CADM2: variants seen among roughly 807,000 people sequenced by gnomAD.
CADM2 encodes the protein cell adhesion molecule 2.
In CADM2, 12 loss-of-function variants were observed where a neutral mutation model predicts 49.8. The ratio of observed to expected loss-of-function variants is 0.24; its 90% CI spans 0.15 to 0.39. The LOEUF (loss-of-function observed/expected upper bound fraction) is 0.39. Among genes scored for constraint, CADM2 ranks in the 10% least tolerant of loss-of-function variants. The pLI, the probability that CADM2 is intolerant of heterozygous loss-of-function variation, is 1.00. For synonymous variants in CADM2, 214 were observed against 175.4 expected (o/e 1.22, Z -1.74); for missense variants, 378 against 492.3 (o/e 0.77, Z 2.20).
At chr3:85,516,534 A>G (rs1476725771) in intron 1 of CADM2, among the ~76,000 whole-genome samples, 3 of 152,104 alleles carry the variant, frequency 2.0e-5, no homozygotes, top group South Asian at 2.1e-4. Context: ...ACTCTTTTCA[A>G]TTACCAGAGA....
At chr3:85,679,837 G>C (rs1340452427) in intron 1 of CADM2, among the ~76,000 whole-genome samples, 2 of 152,088 alleles carry the variant, frequency 1.3e-5, no homozygotes, top group Admixed American at 1.3e-4. Flanking sequence ...TATTTTTCCT[G>C]AAGAATTCTT....
intron 1 of CADM2, among the ~76,000 whole-genome samples, chr3:85,638,955 A>C (rs940690920): frequency 6.6e-6 from 1 of 152,158 alleles, no homozygotes; most frequent in African/African-American, 2.4e-5. Context: ...AAAAGAGACG[A>C]GTAAAGCACT....
At chr3:85,264,476 A>T (rs1345285542) in intron 1 of CADM2, among the ~76,000 whole-genome samples, 1 of 152,068 alleles carries the variant, frequency 6.6e-6, no homozygotes, top group Non-Finnish European at 1.5e-5. Context: ...AAAATTGTTT[A>T]TTCCTTTTCT....
intron 7 of CADM2, among the ~76,000 whole-genome samples, chr3:85,947,882 G>A (rs1722935166): frequency 6.6e-6 from 1 of 151,368 alleles, no homozygotes; most frequent in Admixed American, 6.6e-5. Flanking sequence ...ATCCATAGAG[G>A]AAATGTACTT....
At chr3:85,019,400 T>C (rs2034399031) in intron 1 of CADM2, among the ~76,000 whole-genome samples, 1 of 152,108 alleles carries the variant, frequency 6.6e-6, no homozygotes, top group Non-Finnish European at 1.5e-5. Context: ...AGAAGATCAC[T>C]TGAGCCCAGG....
chr3:85,332,010 C>T (rs1286697301), intron 1 of CADM2, among the ~76,000 whole-genome samples: 1 of 152,082 alleles, frequency 6.6e-6, no homozygotes, highest in African/African-American at 2.4e-5. Context: ...TTATAAATTT[C>T]AATGAGTACC....
intron 1 of CADM2, chr3:84,959,996 A>G: frequency 2.2e-6 from 1 of 456,394 alleles, no homozygotes; most frequent in Non-Finnish European, 3.9e-6. Flanking sequence ...GCCTCTCTGA[A>G]CATTCCACCC....
chr3:85,453,708 C>A (rs1463489296), intron 1 of CADM2, among the ~76,000 whole-genome samples: 1 of 151,834 alleles, frequency 6.6e-6, no homozygotes, highest in East Asian at 1.9e-4. Flanking sequence ...CTAAAAAAAA[C>A]CTGTTTAATG....
At chr3:85,007,755 G>A (rs1232622719) in intron 1 of CADM2, among the ~76,000 whole-genome samples, 2 of 152,176 alleles carry the variant, frequency 1.3e-5, no homozygotes, top group Admixed American at 6.5e-5. Context: ...CTGTAGAGGA[G>A]GCTGGCAATT....
intron 1 of CADM2, among the ~76,000 whole-genome samples, chr3:85,348,554 T>G (rs1015811805): frequency 6.6e-6 from 1 of 152,176 alleles, no homozygotes; most frequent in African/African-American, 2.4e-5. Context: ...TAAAAAAATC[T>G]TCAGGAAATA....
intron 1 of CADM2, among the ~76,000 whole-genome samples, chr3:85,233,718 G>A (rs2042350965): frequency 6.6e-6 from 1 of 151,928 alleles, no homozygotes. Context: ...GTTTATAATG[G>A]TTTAAATTCT....
At chr3:85,405,460 C>G (rs1292076774) in intron 1 of CADM2, among the ~76,000 whole-genome samples, 1 of 152,128 alleles carries the variant, frequency 6.6e-6, no homozygotes, top group East Asian at 1.9e-4. Context: ...GGCGGAAAAA[C>G]AACTTGAACT....
chr3:86,009,217 G>GTGTGTA (rs386397251), intron 8 of CADM2, among the ~76,000 whole-genome samples: 7 of 145,136 alleles, frequency 4.8e-5, no homozygotes, highest in African/African-American at 1.8e-4. Context: ...GTATGTGTGT[G>GTGTGTA]TATATATATA....
intron 5 of CADM2, among the ~76,000 whole-genome samples, chr3:85,899,624 T>C (rs1715821843): frequency 6.6e-6 from 1 of 152,168 alleles, no homozygotes; most frequent in Non-Finnish European, 1.5e-5. Flanking sequence ...AGTCAAGTTA[T>C]TTAGAGGTTA....
rs2033368779 is a variant in CADM2, at chr3:84,999,897, A to G, written c.61+40229A>G. On this transcript the variant is annotated intron_variant, in intron 1 of 9. Coordinates refer to ENST00000383699, the MANE Select transcript of CADM2 (RefSeq NM_001167675.2). ...ACTCTATGGAGGCTCTGAATTCTGG[A>G]AAGTAATTATATAATTTTAGAGTTG... 2.0e-5 allele frequency among the ~76,000 whole-genome samples: 3 copies of G among 152,162 alleles called. 1 individual carries two copies. The highest frequency in any genetic ancestry group is 2.0e-4 in the Admixed American group (3 of 15,250).
intron 9 of CADM2, among the ~76,000 whole-genome samples, chr3:86,065,961 T>C (rs531523085): frequency 6.6e-6 from 1 of 152,276 alleles, no homozygotes. Flanking sequence ...AGTAAGCCAC[T>C]GGCTCAGAAA....
At chr3:85,238,559 A>C (rs975874727) in intron 1 of CADM2, among the ~76,000 whole-genome samples, 1 of 151,454 alleles carries the variant, frequency 6.6e-6, no homozygotes, top group African/African-American at 2.4e-5. Flanking sequence ...GGAAGGGCCC[A>C]AAGGGAAAAG....
At chr3:85,725,494 G>A (rs190300233) in intron 1 of CADM2, among the ~76,000 whole-genome samples, 203 of 152,026 alleles carry the variant, frequency 1.3e-3, no homozygotes, top group Non-Finnish European at 1.9e-3. Flanking sequence ...CATTTAGAAA[G>A]CCAGAACCCA....
chr3:85,245,874 A>C (rs2042634798), intron 1 of CADM2, among the ~76,000 whole-genome samples: 2 of 152,210 alleles, frequency 1.3e-5, no homozygotes, highest in Admixed American at 1.3e-4. Context: ...CTTATGTAGG[A>C]ATAATAGTGG....
Sources: allele counts gnomAD v4.1 joint callset (sites outside exome capture counted in the v4.1 genomes callset), GRCh38; gene constraint gnomAD v4.1.1; transcripts MANE v1.5; gene names NCBI Gene and HGNC (gene_info 2026-07-23, HGNC 2026-07-21).